Variants in SLC71A1 observed in about 807,000 individuals in gnomAD.
The protein encoded by SLC71A1 is solute carrier family 71 member 1, also known as hippocampus abundant gene transcript 1.
At chr1:100,038,349 C>T in the SLC71A1 span, 3 of 1,540,526 alleles carry the variant, frequency 1.9e-6, no homozygotes, top group Non-Finnish European at 2.6e-6. Flanking sequence ...GAGCGTCCCT[C>T]GGGGCCCCCA....
the SLC71A1 span, chr1:100,068,548 G>T: frequency 8.1e-6 from 13 of 1,613,634 alleles, no homozygotes; most frequent in Non-Finnish European, 1.0e-5. Context: ...CCTACCGGAG[G>T]CAGGCCAATA....
the SLC71A1 span, among the ~76,000 whole-genome samples, chr1:100,038,790 G>A: frequency 6.6e-6 from 1 of 152,198 alleles, no homozygotes; most frequent in Non-Finnish European, 1.5e-5. Flanking sequence ...CGGGGATCCC[G>A]CTGCGGCCCC....
the SLC71A1 span, among the ~76,000 whole-genome samples, chr1:100,061,629 G>C: frequency 2.0e-5 from 3 of 152,268 alleles, no homozygotes; most frequent in East Asian, 5.8e-4. Flanking sequence ...CTGTATAGTA[G>C]CTGAGCTGCT....
At chr1:100,041,933 AAAAG>A in the SLC71A1 span, among the ~76,000 whole-genome samples, 2 of 152,190 alleles carry the variant, frequency 1.3e-5, no homozygotes, top group Admixed American at 6.5e-5. Flanking sequence ...AAAAAAAAAA[AAAAG>A]AAGTTTTTAG....
At chr1:100,076,093 A>G in the SLC71A1 span, among the ~76,000 whole-genome samples, 1 of 152,184 alleles carries the variant, frequency 6.6e-6, no homozygotes, top group Admixed American at 6.5e-5. Flanking sequence ...TCTTATACTC[A>G]CGTGATTTAA....
chr1:100,064,732 T>A, the SLC71A1 span, among the ~76,000 whole-genome samples: 1 of 151,660 alleles, frequency 6.6e-6, no homozygotes, highest in Non-Finnish European at 1.5e-5. Flanking sequence ...TTTTCCTTTT[T>A]TTTTTTTTTG....
chr1:100,066,988 C>CAAAAAA, the SLC71A1 span, among the ~76,000 whole-genome samples: 1 of 69,302 alleles, frequency 1.4e-5, no homozygotes. Context: ...GACTCCGTCT[C>CAAAAAA]AAAAAAAAAA....
chr1:100,068,956 T>C, the SLC71A1 span, among the ~76,000 whole-genome samples: 6 of 152,108 alleles, frequency 3.9e-5, no homozygotes, highest in Non-Finnish European at 8.8e-5. Flanking sequence ...CACTCCAGCC[T>C]GGGTAACAAG....
chr1:100,081,853 C>A, the SLC71A1 span: 1 of 650,862 alleles, frequency 1.5e-6, no homozygotes, highest in Non-Finnish European at 2.6e-6. Context: ...CTCTTTTCTC[C>A]TAAAAAGGGA....
the SLC71A1 span, chr1:100,062,058 A>C: frequency 1.5e-6 from 1 of 666,184 alleles, no homozygotes; most frequent in South Asian, 2.1e-5. Context: ...TTTTTGCGTA[A>C]AATATATTTT....
At chr1:100,062,442 G>A in the SLC71A1 span, among the ~76,000 whole-genome samples, 1 of 152,138 alleles carries the variant, frequency 6.6e-6, no homozygotes, top group Non-Finnish European at 1.5e-5. Flanking sequence ...CCAGATTTGA[G>A]CCATAGTGGT....
the SLC71A1 span, chr1:100,080,687 G>A: frequency 6.3e-7 from 1 of 1,597,358 alleles, no homozygotes; most frequent in South Asian, 1.1e-5. Context: ...TGATCAAATT[G>A]TATGGTTCAT....
the SLC71A1 span, among the ~76,000 whole-genome samples, chr1:100,064,145 AGTTT>A: frequency 1.3e-5 from 2 of 152,172 alleles, no homozygotes; most frequent in East Asian, 1.9e-4. Context: ...ATATATATAT[AGTTT>A]GTTTTTTGTT....
At chr1:100,068,401 T>A in the SLC71A1 span, 2 of 1,082,494 alleles carry the variant, frequency 1.8e-6, no homozygotes, top group Non-Finnish European at 1.4e-6. Context: ...AAGGAATCTC[T>A]GCGTATTCTT....
the SLC71A1 span, among the ~76,000 whole-genome samples, chr1:100,053,420 C>T: frequency 1.3e-5 from 2 of 152,066 alleles, no homozygotes; most frequent in Admixed American, 1.3e-4. Context: ...GTGCATGCCA[C>T]AAGAGTCAAA....
the SLC71A1 span, among the ~76,000 whole-genome samples, chr1:100,059,150 T>TTTG: frequency 8.6e-6 from 1 of 115,796 alleles, no homozygotes; most frequent in Non-Finnish European, 1.8e-5. Context: ...TCGTGTTTTT[T>TTTG]TTTTTTTTTT....
chr1:100,068,015 T>C, the SLC71A1 span: 1 of 1,614,208 alleles, frequency 6.2e-7, no homozygotes, highest in South Asian at 1.1e-5. Flanking sequence ...TCACCAGTCC[T>C]GCAATTGGAG....
At chr1:100,063,078 A>C in the SLC71A1 span, among the ~76,000 whole-genome samples, 1 of 152,202 alleles carries the variant, frequency 6.6e-6, no homozygotes, top group African/African-American at 2.4e-5. Context: ...TTATGAGTAT[A>C]GTTCAGTGAA....
chr1:100,080,294 A>G, the SLC71A1 span: 1 of 475,866 alleles, frequency 2.1e-6, no homozygotes, highest in East Asian at 3.1e-5. Context: ...ATCAGAGCTC[A>G]TGTTTGCATA....
Sources: allele counts gnomAD v4.1 joint callset (sites outside exome capture counted in the v4.1 genomes callset), GRCh38; gene constraint gnomAD v4.1.1; transcripts MANE v1.5; gene names NCBI Gene and HGNC (gene_info 2026-07-23, HGNC 2026-07-21).